Variants in TIAM1 observed in about 807,000 individuals in gnomAD.
TIAM1 encodes the protein rho guanine nucleotide exchange factor TIAM1.
TIAM1 carries 65 observed loss-of-function variants against 163.5 expected under a neutral mutation model. That is an observed-to-expected ratio of 0.40 (90% CI 0.33 to 0.49). TIAM1 has a LOEUF of 0.49. TIAM1 is among the 20% of genes least tolerant of loss of function. The probability of loss-of-function intolerance (pLI) is 0.77; values close to 1 mark genes in which losing one functional copy is unlikely to be tolerated. For synonymous variants in TIAM1, 833 were observed against 810.1 expected (o/e 1.03, Z -0.48); for missense variants, 1,789 against 2,044.7 (o/e 0.87, Z 2.41).
chr21:31,361,259 AG>A (rs1453958494), intron 2 of TIAM1, among the ~76,000 whole-genome samples: 1 of 152,278 alleles, frequency 6.6e-6, no homozygotes, highest in Non-Finnish European at 1.5e-5. Flanking sequence ...TACTTAATAA[AG>A]TATGATTCCA....
intron 1 of TIAM1, among the ~76,000 whole-genome samples, chr21:31,520,780 C>T (rs1336323307): frequency 2.0e-5 from 3 of 152,220 alleles, no homozygotes; most frequent in East Asian, 1.9e-4. Flanking sequence ...CATAAAGAAA[C>T]ATTATGTAAC....
chr21:31,275,992 C>T (rs1448350699), intron 3 of TIAM1, among the ~76,000 whole-genome samples: 2 of 152,120 alleles, frequency 1.3e-5, no homozygotes, highest in Admixed American at 1.3e-4. Flanking sequence ...GCCTCCAAAA[C>T]TGCAGGAGAA....
At chr21:31,234,715 G>A (rs1466812745) in intron 6 of TIAM1, among the ~76,000 whole-genome samples, 1 of 152,074 alleles carries the variant, frequency 6.6e-6, no homozygotes, top group Non-Finnish European at 1.5e-5. Context: ...TTGGGAGGCT[G>A]AGGCTGCAAT....
chr21:31,394,724 TCTCTCACACACA>T (rs776721138), intron 2 of TIAM1, among the ~76,000 whole-genome samples: 7,346 of 128,380 alleles, frequency 0.057, 239 homozygotes, highest in Middle Eastern at 0.15. Context: ...TCTCTCTCTC[TCTCTCACACACA>T]CACACACACA....
At chr21:31,311,005 A>T (rs148164059) in intron 2 of TIAM1, among the ~76,000 whole-genome samples, 1,591 of 152,318 alleles carry the variant, frequency 0.01, 18 homozygotes, top group Non-Finnish European at 0.017. Flanking sequence ...TAGAGTGCAA[A>T]CTTGTCTTAG....
intron 2 of TIAM1, among the ~76,000 whole-genome samples, chr21:31,419,389 T>G (rs1317135241): frequency 1.3e-5 from 2 of 152,144 alleles, no homozygotes; most frequent in Non-Finnish European, 2.9e-5. Flanking sequence ...CGATGTGTCA[T>G]CTAAAACATC....
intron 2 of TIAM1, among the ~76,000 whole-genome samples, chr21:31,363,268 C>A (rs557550297): frequency 6.6e-6 from 1 of 152,126 alleles, no homozygotes; most frequent in Non-Finnish European, 1.5e-5. Flanking sequence ...AGCATTTGAT[C>A]GTGTTAACTT....
chr21:31,369,611 T>C (rs567392277), intron 2 of TIAM1, among the ~76,000 whole-genome samples: 6 of 152,248 alleles, frequency 3.9e-5, no homozygotes, highest in Admixed American at 3.9e-4. Flanking sequence ...ATGATGGATA[T>C]GGTAATTACT....
chr21:31,439,393 G>A (rs562148503), intron 2 of TIAM1, among the ~76,000 whole-genome samples: 15 of 152,282 alleles, frequency 9.9e-5, no homozygotes, highest in Admixed American at 4.6e-4. Context: ...GGGTTCAAGC[G>A]ACTCTTGTGC....
rs530171232 is a variant in TIAM1 at position 31,138,947 on chromosome 21, C to A, written c.3774+2171G>T. ...CACCTCCTGGTAAAAGTAGGATTTT[C>A]CTCCTCTTCAGTCCTGGTACTCAGC... is the stretch of plus-strand genomic sequence containing the variant. On this transcript the variant is annotated intron_variant, in intron 22 of 27. Coordinates refer to ENST00000541036, the MANE Select transcript of TIAM1 (RefSeq NM_001353694.2). Among the ~76,000 whole-genome samples the A allele has an allele frequency of 8.5e-5, 13 of 152,318 alleles. No individual in the cohort carries two copies. The South Asian group carries it at 2.7e-3, about 32-fold the overall frequency.
intron 2 of TIAM1, among the ~76,000 whole-genome samples, chr21:31,330,144 T>A (rs1414198): frequency 0.011 from 1,751 of 152,328 alleles, 37 homozygotes; most frequent in African/African-American, 0.04. Context: ...CACAGTCTCA[T>A]ACAGAGTAGT....
intron 2 of TIAM1, among the ~76,000 whole-genome samples, chr21:31,295,447 G>A (rs1199450934): frequency 7.3e-6 from 1 of 137,244 alleles, no homozygotes; most frequent in African/African-American, 2.8e-5. Context: ...TCCAGCCTGG[G>A]TGACAGAGTG....
At position 31,388,259 on chromosome 21, in the gene TIAM1, A is replaced by ACACACACACACACACACAC. The variant is rs1555964695; in HGVS notation, c.-368-48838_-368-48837insGTGTGTGTGTGTGTGTGTG. On this transcript the variant is annotated intron_variant, in intron 2 of 28. Transcript: ENST00000286827. ...CACACACACACACACACACACACAC[A>ACACACACACACACACACAC]ACCTCTTACGTGAATACGGTGAATC... 3.6e-3 allele frequency among the ~76,000 whole-genome samples: 351 copies of ACACACACACACACACACAC among 98,158 alleles called. 9 individuals are homozygous for ACACACACACACACACACAC. The highest frequency in any genetic ancestry group is 9.0e-3 in the African/African-American group (246 of 27,210). The allele number at this position is 98,158 out of a possible 152,430, so 64.4% of individuals were successfully genotyped here.
intron 10 of TIAM1, among the ~76,000 whole-genome samples, chr21:31,210,622 AAAG>A (rs2086714698): frequency 1.4e-4 from 2 of 13,894 alleles, no homozygotes; most frequent in African/African-American, 5.9e-4. Context: ...AGGGAGAAAG[AAAG>A]AAAGAAAGAA....
chr21:31,158,729 T>C (rs1203480748), intron 16 of TIAM1, among the ~76,000 whole-genome samples: 1 of 152,198 alleles, frequency 6.6e-6, no homozygotes. Flanking sequence ...TTCTTTAGAA[T>C]ACCTCTAAGC....
chr21:31,445,148 C>T (rs2044573963), intron 2 of TIAM1, among the ~76,000 whole-genome samples: 1 of 120,560 alleles, frequency 8.3e-6, no homozygotes, highest in Admixed American at 9.3e-5. Flanking sequence ...GATACAACAT[C>T]AAATGTCGCA....
At chr21:31,424,659 ATTAT>A (rs1466523894) in intron 2 of TIAM1, among the ~76,000 whole-genome samples, 1 of 152,188 alleles carries the variant, frequency 6.6e-6, no homozygotes, top group East Asian at 1.9e-4. Flanking sequence ...ATGTGGAGTG[ATTAT>A]TTATTAAACA....
chr21:31,550,060 G>GCT (rs1259154652), intron 1 of TIAM1, among the ~76,000 whole-genome samples: 1 of 151,922 alleles, frequency 6.6e-6, no homozygotes, highest in Non-Finnish European at 1.5e-5. Flanking sequence ...GGAGGTGGAG[G>GCT]CTACAGTGAG....
chr21:31,422,468 T>C (rs1432958468), intron 2 of TIAM1, among the ~76,000 whole-genome samples: 2 of 152,154 alleles, frequency 1.3e-5, no homozygotes, highest in Non-Finnish European at 2.9e-5. Context: ...AAGATCCTGA[T>C]GCAACAGATG....
Sources: gnomAD v4.1 joint callset for allele counts (sites outside exome capture counted in the v4.1 genomes callset) on GRCh38, gnomAD v4.1.1 for gene constraint, MANE v1.5 for transcripts, NCBI Gene and HGNC (gene_info 2026-07-23, HGNC 2026-07-21) for gene names.